Variants in TAF3 observed in about 807,000 individuals in gnomAD.
TAF3 encodes the protein TATA-box binding protein associated factor 3, also known as transcription initiation factor TFIID subunit 3.
A neutral mutation model predicts 80.6 loss-of-function variants in TAF3; 7 were observed. The ratio of observed to expected loss-of-function variants is 0.09; its 90% CI spans 0.05 to 0.16. The LOEUF (loss-of-function observed/expected upper bound fraction) is 0.16. Ranked by LOEUF, TAF3 falls within the 10% of genes least tolerant of loss-of-function variation. The pLI, the probability that TAF3 is intolerant of heterozygous loss-of-function variation, is 1.00. For missense variants in TAF3, 921 were observed against 1,140.2 expected, an observed-to-expected ratio of 0.81 and a Z score of 2.77; for synonymous variants, 444 against 446.1, an observed-to-expected ratio of 1.00 and a Z score of 0.06.
intron 2 of TAF3, among the ~76,000 whole-genome samples, chr10:7,888,102 C>T (rs1310461793): frequency 6.6e-6 from 1 of 152,156 alleles, no homozygotes; most frequent in African/African-American, 2.4e-5. Context: ...TCCACTGGCT[C>T]ATTCTTGTCG....
intron 2 of TAF3, among the ~76,000 whole-genome samples, chr10:7,942,236 G>C (rs1000298970): frequency 6.6e-6 from 1 of 152,140 alleles, no homozygotes. Context: ...GCGTTTTGTC[G>C]ATTTCAGTCG....
chr10:7,889,411 A>G (rs1837438677), intron 2 of TAF3, among the ~76,000 whole-genome samples: 1 of 152,234 alleles, frequency 6.6e-6, no homozygotes, highest in South Asian at 2.1e-4. Flanking sequence ...CAACCCTGTA[A>G]GGCAAATACT....
intron 2 of TAF3, among the ~76,000 whole-genome samples, chr10:7,857,364 G>C (rs1208504228): frequency 1.3e-5 from 2 of 152,228 alleles, no homozygotes; most frequent in Admixed American, 1.3e-4. Context: ...TAGCAAGTTA[G>C]AGCAGTTTCT....
intron 2 of TAF3, among the ~76,000 whole-genome samples, chr10:7,873,626 C>CCG (rs1554779088): frequency 1.4e-5 from 2 of 146,834 alleles, no homozygotes; most frequent in South Asian, 2.2e-4. Flanking sequence ...CTCCCCCCCC[C>CCG]CCCGTCAAAA....
At chr10:7,951,706 A>C (rs1031356361) in intron 2 of TAF3, among the ~76,000 whole-genome samples, 2 of 152,218 alleles carry the variant, frequency 1.3e-5, no homozygotes. Context: ...CGTACTTCTC[A>C]TACTAAGTCG....
chr10:7,890,434 C>T (rs1442149051), intron 2 of TAF3, among the ~76,000 whole-genome samples: 2 of 152,156 alleles, frequency 1.3e-5, no homozygotes, highest in African/African-American at 2.4e-5. Context: ...GCCTCTTATC[C>T]TATTAGAGTT....
chr10:7,934,934 T>C (rs113425826), intron 2 of TAF3, among the ~76,000 whole-genome samples: 1,666 of 152,286 alleles, frequency 0.011, 20 homozygotes, highest in Middle Eastern at 0.031. Flanking sequence ...TGTACCGTCA[T>C]GAAGCTTTGT....
At chr10:7,862,975 A>G (rs1026650913) in intron 2 of TAF3, among the ~76,000 whole-genome samples, 1 of 152,134 alleles carries the variant, frequency 6.6e-6, no homozygotes, top group African/African-American at 2.4e-5. Flanking sequence ...GTCTTGGACT[A>G]TTTCAAATAA....
chr10:7,848,185 C>G (rs1336973910), intron 2 of TAF3, among the ~76,000 whole-genome samples: 2 of 152,214 alleles, frequency 1.3e-5, no homozygotes, highest in African/African-American at 4.8e-5. Flanking sequence ...CTGGTACTAG[C>G]TATTCTTCCT....
At chr10:7,931,288 G>A (rs972466415) in intron 2 of TAF3, among the ~76,000 whole-genome samples, 1 of 152,082 alleles carries the variant, frequency 6.6e-6, no homozygotes, top group Non-Finnish European at 1.5e-5. Flanking sequence ...TAACTTCTGT[G>A]TGTGCTACTG....
chr10:7,826,623 A>G (rs977744754), intron 2 of TAF3, among the ~76,000 whole-genome samples: 1 of 152,220 alleles, frequency 6.6e-6, no homozygotes, highest in Non-Finnish European at 1.5e-5. Flanking sequence ...TGAGAACACT[A>G]CTTTTCACTT....
rs535136801 is a variant in TAF3, at chr10:7,842,183, T to G, written c.409+17623T>G. ...TTTTTTGTTTTTTTTTTTGTTTTTT[T>G]TTTTTTTTGAGACAGAGTCTTCCTC... On this transcript the variant is annotated intron_variant, in intron 2 of 6. Transcript: ENST00000344293. Among the ~76,000 whole-genome samples, 257 of 137,932 alleles carry G rather than the reference T, an allele frequency of 1.9e-3. 3 individuals carry two copies. The highest frequency in any genetic ancestry group is 2.7e-3 in the Non-Finnish European group (170 of 63,498). 90.5% of individuals were successfully genotyped at this position (137,932 alleles called of 152,430 possible). A position where few individuals can be genotyped will look rare whatever the true frequency, so the allele number is the denominator to read the frequency against.
At chr10:7,971,453 T>G (rs1463804107) in intron 3 of TAF3, among the ~76,000 whole-genome samples, 3 of 37,594 alleles carry the variant, frequency 8.0e-5, no homozygotes, top group Non-Finnish European at 1.5e-4. Flanking sequence ...ATATATGGTG[T>G]TTTTTTTTTT....
At chr10:7,840,440 C>T (rs908537175) in intron 2 of TAF3, among the ~76,000 whole-genome samples, 1 of 151,604 alleles carries the variant, frequency 6.6e-6, no homozygotes. Flanking sequence ...GCATGAGCCA[C>T]CGCGCCCGGC....
chr10:7,919,823 C>T (rs779269056), intron 2 of TAF3, among the ~76,000 whole-genome samples: 7 of 152,084 alleles, frequency 4.6e-5, no homozygotes, highest in Non-Finnish European at 8.8e-5. Flanking sequence ...CCCACACATA[C>T]GGAGGGCTGA....
chr10:7,892,900 A>G (rs373235777), intron 2 of TAF3, among the ~76,000 whole-genome samples: 2 of 150,794 alleles, frequency 1.3e-5, no homozygotes, highest in Non-Finnish European at 2.9e-5. Flanking sequence ...GCTCACTGCA[A>G]CCTCTGCCTT....
At chr10:7,901,192 T>TA (rs1386427180) in intron 2 of TAF3, among the ~76,000 whole-genome samples, 1 of 152,232 alleles carries the variant, frequency 6.6e-6, no homozygotes, top group African/African-American at 2.4e-5. Flanking sequence ...TTAACTAACA[T>TA]AAAACTATAA....
At chr10:7,930,765 T>C (rs1051605257) in intron 2 of TAF3, among the ~76,000 whole-genome samples, 1 of 152,180 alleles carries the variant, frequency 6.6e-6, no homozygotes, top group African/African-American at 2.4e-5. Context: ...ATATACTCGA[T>C]ACTGGTATCC....
chr10:7,988,015 A>T (rs1831794816), intron 4 of TAF3, among the ~76,000 whole-genome samples: 1 of 152,198 alleles, frequency 6.6e-6, no homozygotes, highest in South Asian at 2.1e-4. Context: ...GAGTACATGT[A>T]TCAAATTCAT....
Sources: gnomAD v4.1 joint callset for allele counts (sites outside exome capture counted in the v4.1 genomes callset) on GRCh38, gnomAD v4.1.1 for gene constraint, MANE v1.5 for transcripts, NCBI Gene and HGNC (gene_info 2026-07-23, HGNC 2026-07-21) for gene names.